PPP2R5C: variants seen among roughly 807,000 people sequenced by gnomAD.
The protein encoded by PPP2R5C is protein phosphatase 2 regulatory subunit B'gamma, also known as serine/threonine-protein phosphatase 2A 56 kDa regulatory subunit gamma isoform.
Under a neutral mutation model 68.9 loss-of-function variants are expected in PPP2R5C, and 7 were observed. The observed-to-expected ratio is 0.10, with a 90% confidence interval of 0.06 to 0.19. PPP2R5C has a LOEUF of 0.19. Ranked by LOEUF, PPP2R5C falls within the 10% of genes least tolerant of loss-of-function variation. The pLI is 1.00. For missense variants in PPP2R5C, 348 were observed against 641.3 expected, an observed-to-expected ratio of 0.54 and a Z score of 4.94; for synonymous variants, 210 against 222.2, an observed-to-expected ratio of 0.95 and a Z score of 0.49.
intron 2 of PPP2R5C, among the ~76,000 whole-genome samples, chr14:101,864,684 C>T (rs1160532497): frequency 6.6e-6 from 1 of 152,056 alleles, no homozygotes; most frequent in East Asian, 1.9e-4. Flanking sequence ...GGGGAGTGTT[C>T]CCAGCAGAAG....
chr14:101,785,899 C>A, intron 2 of PPP2R5C, 119 bp from the exon 3 acceptor site: 1 of 906,678 alleles, frequency 1.1e-6, no homozygotes, highest in Non-Finnish European at 1.6e-6. Flanking sequence ...TGATGTCTTC[C>A]ATGGAGTGAA....
rs550413192 is a variant in PPP2R5C at position 101,878,728 on chromosome 14, C to A, written c.295-3433C>A. ...CAGAGAAGCTGCAGTTTGGGTCTCA[C>A]AGGCCTCTCAGCTGACTGGTTGAAG... On this transcript the variant is annotated intron_variant, in intron 2 of 13. Coordinates refer to ENST00000334743, the Ensembl canonical transcript of PPP2R5C. 2.4e-4 allele frequency among the ~76,000 whole-genome samples: 37 copies of A among 152,298 alleles called. No homozygotes were observed. The South Asian group carries it at 7.7e-3, about 32-fold the overall frequency.
At position 101,917,921 on chromosome 14, in the gene PPP2R5C, A is replaced by C. The variant is rs139942424; in HGVS notation, c.1417A>C (p.Lys473Gln). 60 of 1,613,908 alleles carry C rather than the reference A, an allele frequency of 3.7e-5. No individual in the cohort carries two copies. The African/African-American group carries it at 5.3e-4, about 14-fold the overall frequency. Residue 473 changes from lysine to glutamine, a missense_variant, in exon 13 of 14, where the codon AAG becomes CAG. Physicochemically the swap from Lys to Gln is moderately conservative, Grantham distance 53. Coordinates refer to ENST00000334743, the Ensembl canonical transcript of PPP2R5C. This position sits in a 1 kb window ranked among gnomAD's most constrained non-coding sequence, Gnocchi z 4.4. ...ATTTGAAGATGTGCAGATGCTGAGA[A>C]AGACAGTGAAGGACGAGGCTCATCA... is the stretch of plus-strand genomic sequence containing the variant.
At chr14:101,869,641 T>G in intron 2 of PPP2R5C, among the ~76,000 whole-genome samples, 1 of 152,182 alleles carries the variant, frequency 6.6e-6, no homozygotes, top group African/African-American at 2.4e-5. Context: ...CCTTAATGAC[T>G]AATTATGCCA....
At chr14:101,832,458 A>G (rs991598739) in intron 1 of PPP2R5C, among the ~76,000 whole-genome samples, 5 of 152,234 alleles carry the variant, frequency 3.3e-5, no homozygotes, top group African/African-American at 1.2e-4. Context: ...AAAGCAAAAT[A>G]CCAAGTAAAT....
chr14:101,895,255 A>C (rs2045239341), intron 8 of PPP2R5C, among the ~76,000 whole-genome samples: 1 of 152,220 alleles, frequency 6.6e-6, no homozygotes, highest in Non-Finnish European at 1.5e-5. Flanking sequence ...CAATTCACCC[A>C]TTTAAAGAGT....
intron 3 of PPP2R5C, among the ~76,000 whole-genome samples, chr14:101,794,220 T>G (rs2038504800): frequency 6.6e-6 from 1 of 152,226 alleles, no homozygotes; most frequent in Non-Finnish European, 1.5e-5. Context: ...CTTTCACTTA[T>G]TTCTTGGCTT....
intron 2 of PPP2R5C, among the ~76,000 whole-genome samples, chr14:101,862,554 G>A (rs935244192): frequency 2.6e-5 from 4 of 152,140 alleles, no homozygotes; most frequent in Non-Finnish European, 5.9e-5. Context: ...GAGTTTTGAT[G>A]TAGACAATGA....
rs577273964 is a variant in PPP2R5C, at chr14:101,796,026, T to C, written c.259+9843T>C. 2.6e-5 allele frequency among the ~76,000 whole-genome samples: 4 copies of C among 152,232 alleles called. No homozygotes were observed. In the East Asian group the frequency reaches 7.7e-4, roughly 29 times the overall value. Reference sequence around the variant, plus strand: ...TTAGTAGAGACGGGGTTCCACCATGTTGCCCAGGCTGGTCTCGAACTCCTG... The same window carrying C: ...TTAGTAGAGACGGGGTTCCACCATGCTGCCCAGGCTGGTCTCGAACTCCTG... On this transcript the variant is annotated intron_variant, in intron 3 of 14. Transcript: ENST00000328724.
chr14:101,808,258 C>T (rs2039155983), upstream of PPP2R5C, among the ~76,000 whole-genome samples: 1 of 151,856 alleles, frequency 6.6e-6, no homozygotes, highest in Admixed American at 6.6e-5. Context: ...TTCCTCTTAC[C>T]CAACTGAAAG....
intron 1 of PPP2R5C, among the ~76,000 whole-genome samples, chr14:101,826,851 G>A (rs1255632217): frequency 1.3e-5 from 2 of 151,884 alleles, no homozygotes; most frequent in African/African-American, 4.8e-5. Flanking sequence ...GTCTGAAATG[G>A]TCCATAAGGA....
At chr14:101,840,774 G>GGC (rs2041420049) in intron 1 of PPP2R5C, among the ~76,000 whole-genome samples, 1 of 152,056 alleles carries the variant, frequency 6.6e-6, no homozygotes, top group African/African-American at 2.4e-5. Flanking sequence ...TGTTTATCAG[G>GGC]GCATATGCAT....
At chr14:101,840,066 GT>G (rs1353557485) in intron 1 of PPP2R5C, among the ~76,000 whole-genome samples, 1 of 152,126 alleles carries the variant, frequency 6.6e-6, no homozygotes, top group Non-Finnish European at 1.5e-5. Context: ...GTTGTTTCAT[GT>G]AAAGACCAGT....
At chr14:101,875,812 C>G (rs1317178305) in intron 2 of PPP2R5C, among the ~76,000 whole-genome samples, 2 of 152,192 alleles carry the variant, frequency 1.3e-5, no homozygotes, top group Non-Finnish European at 2.9e-5. Context: ...CTGCGAAGTT[C>G]CATCTTTGTA....
intron 13 of PPP2R5C, among the ~76,000 whole-genome samples, chr14:101,919,363 C>T (rs892486027): frequency 1.6e-4 from 24 of 152,228 alleles, no homozygotes; most frequent in African/African-American, 5.8e-4. Flanking sequence ...CCAGTTGGTT[C>T]CATATTCTCC....
At chr14:101,794,876 G>A (rs967012198) in intron 3 of PPP2R5C, among the ~76,000 whole-genome samples, 3 of 152,152 alleles carry the variant, frequency 2.0e-5, no homozygotes, top group African/African-American at 7.2e-5. Context: ...CAGTTTTTCA[G>A]TTGATTCTTT....
Position 101,890,218 on chromosome 14 carries a change from G to A in PPP2R5C, c.630-19G>A. The A allele has an allele frequency of 1.2e-6, 2 of 1,603,642 alleles. No individual in the cohort carries two copies. Among genetic ancestry groups the A allele is most frequent in the Non-Finnish European group, 1.7e-6 (2 of 1,171,170 alleles). On this transcript the variant is annotated intron_variant, in intron 5 of 13. Transcript: ENST00000334743. ...GTTAGTTCAGTGTCTAATTCTAATGGGAAAATTGTTTTTTCTAGGTTTATT... is the reference window on the plus strand; with the variant it reads ...GTTAGTTCAGTGTCTAATTCTAATGAGAAAATTGTTTTTTCTAGGTTTATT...
intron 5 of PPP2R5C, among the ~76,000 whole-genome samples, chr14:101,884,242 T>C (rs2044342515): frequency 6.6e-6 from 1 of 152,202 alleles, no homozygotes; most frequent in African/African-American, 2.4e-5. Context: ...GCCTGCTTAA[T>C]TCTGGCCGCA....
chr14:101,859,869 G>T (rs2277464), intron 2 of PPP2R5C, among the ~76,000 whole-genome samples: 23,656 of 151,496 alleles, frequency 0.16, 2,851 homozygotes, highest in African/African-American at 0.31. Flanking sequence ...GGGGATGGGG[G>T]TGTGTATATT....
Sources: gnomAD v4.1 joint callset for allele counts (sites outside exome capture counted in the v4.1 genomes callset) on GRCh38, gnomAD v4.1.1 for gene constraint, Gnocchi (gnomAD v3.1) non-coding constraint, MANE v1.5 for transcripts, NCBI Gene and HGNC (gene_info 2026-07-23, HGNC 2026-07-21) for gene names.